CDC25C: variants seen among roughly 807,000 people sequenced by gnomAD.
The protein encoded by CDC25C is M-phase inducer phosphatase 3.
A neutral mutation model predicts 52.5 loss-of-function variants in CDC25C; 48 were observed. The ratio of observed to expected loss-of-function variants is 0.91; its 90% CI spans 0.72 to 1.16. The LOEUF is 1.16. Among genes scored for constraint, CDC25C ranks in the 50% most tolerant of loss-of-function variants. CDC25C has a pLI of 0.00. For missense variants in CDC25C, 510 were observed against 566.1 expected (o/e 0.90, Z 1.01); for synonymous variants, 187 against 206.5 (o/e 0.91, Z 0.81).
rs758373221 is a variant in CDC25C at position 138,319,208 on chromosome 5, G to T, written c.615+11C>A. On this transcript the variant is annotated intron_variant, in intron 7 of 13. Transcript: ENST00000323760. ...TGAAGAATACAAAGATACTACCACA[G>T]AACACTTTACCTTTGCTTCTTGATC... 2.5e-6 allele frequency: 4 copies of T among 1,604,830 alleles called. No individual in the cohort carries two copies. Among genetic ancestry groups the T allele is most frequent in the Non-Finnish European group, 3.4e-6 (4 of 1,173,050 alleles).
intron 3 of CDC25C, 139 bp from the exon 4 acceptor site, chr5:138,328,668 T>C (rs931690900): frequency 3.8e-5 from 26 of 683,126 alleles, no homozygotes; most frequent in Middle Eastern, 3.2e-4. Context: ...TCTCGATTGG[T>C]ACCCATTTCA....
At chr5:138,292,158 G>T in intron 7 of CDC25C, 42 bp from the exon 8 acceptor site, 2 of 1,570,384 alleles carry the variant, frequency 1.3e-6, no homozygotes, top group South Asian at 1.2e-5. Context: ...ACTCCTCCAA[G>T]TGTGTCTGCA....
chr5:138,333,574 T>A (rs886848672), upstream of CDC25C: 26 of 152,152 alleles, frequency 1.7e-4, no homozygotes, highest in African/African-American at 6.0e-4. Context: ...GTGGGATGAG[T>A]TGTTATCTGC....
intron 7 of CDC25C, among the ~76,000 whole-genome samples, chr5:138,313,911 A>T (rs1452376397): frequency 1.3e-5 from 2 of 151,890 alleles, no homozygotes; most frequent in Admixed American, 6.6e-5. Flanking sequence ...CCATTTCTCC[A>T]GTTACTCAGG....
upstream of CDC25C, among the ~76,000 whole-genome samples, chr5:138,332,761 G>A (rs368990939): frequency 1.3e-5 from 2 of 152,174 alleles, no homozygotes; most frequent in East Asian, 3.8e-4. Flanking sequence ...AGCTACTTGG[G>A]AGGCTGAGGC....
intron 7 of CDC25C, among the ~76,000 whole-genome samples, chr5:138,293,966 T>C (rs955000582): frequency 2.0e-5 from 3 of 151,910 alleles, no homozygotes; most frequent in Non-Finnish European, 4.4e-5. Flanking sequence ...TTTTAAGCAT[T>C]GTATCTAATA....
intron 6 of CDC25C, among the ~76,000 whole-genome samples, chr5:138,324,294 G>A (rs1020687797): frequency 8.6e-5 from 13 of 151,866 alleles, no homozygotes; most frequent in African/African-American, 2.9e-4. Context: ...AAATAAATAA[G>A]TAAATTCTAT....
Position 138,325,914 on chromosome 5 carries a change from A to G in CDC25C, c.370-10T>C, listed in dbSNP as rs763224374. On this transcript the variant is annotated splice_polypyrimidine_tract_variant and intron_variant, in intron 5 of 13. Coordinates refer to ENST00000323760, the MANE Select transcript of CDC25C (RefSeq NM_001790.5). ...TACAAAGAAGCTGTGCCTAAAAAAGAGAGTTTGCTGAGAACGTCCAGCATC... is the reference window on the plus strand; with the variant it reads ...TACAAAGAAGCTGTGCCTAAAAAAGGGAGTTTGCTGAGAACGTCCAGCATC... 7 of 1,613,818 alleles carry G rather than the reference A, an allele frequency of 4.3e-6. No homozygotes were observed. Among genetic ancestry groups the G allele is most frequent in the African/African-American group, 1.3e-5 (1 of 74,942 alleles).
rs572888905 is a variant in CDC25C at position 138,314,976 on chromosome 5, G to A, written c.615+4243C>T. Among the ~76,000 whole-genome samples the A allele has an allele frequency of 6.9e-5, 10 of 144,840 alleles. No individual in the cohort carries two copies. The East Asian group carries it at 2.0e-3, about 29-fold the overall frequency. On this transcript the variant is annotated intron_variant, in intron 7 of 13. Transcript: ENST00000323760. The stretch of plus-strand genomic sequence containing the variant: ...AGAGTCTCACTCTGTTGCCCAGGCT[G>A]GAGTACAGCGGTGCGATCTCGGCTC...
rs1046133488 is a variant in CDC25C, at chr5:138,292,110, T to A, written c.622A>T (p.Arg208Ter). ...GACGGGGAGCGATATAGGCCACTTC[T>A]GCTCACCTGTTTGGGAATATTAAAC... ...SLKDQEAKVS[R>*]SGLYRSPSMP... The change falls in exon 8 of 14, where the codon AGA becomes TGA. Residue 208 changes from arginine to a stop codon, truncating the protein, a stop_gained. Transcript: ENST00000323760. LOFTEE classifies it high-confidence loss of function. The A allele has an allele frequency of 1.2e-6, 2 of 1,611,342 alleles. No homozygotes were observed. Among genetic ancestry groups the A allele is most frequent in the Non-Finnish European group, 1.7e-6 (2 of 1,178,746 alleles).
At chr5:138,319,585 A>C (rs2126793970) in intron 6 of CDC25C, among the ~76,000 whole-genome samples, 1 of 152,342 alleles carries the variant, frequency 6.6e-6, no homozygotes. Context: ...GCATCAAAGA[A>C]CACCATTAAG....
At chr5:138,292,163 T>C (rs762455824) in intron 7 of CDC25C, 47 bp from the exon 8 acceptor site, 3 of 1,497,906 alleles carry the variant, frequency 2.0e-6, no homozygotes, top group Admixed American at 3.9e-5. Context: ...TCCAAGTGTG[T>C]CTGCAGACCT....
intron 7 of CDC25C, among the ~76,000 whole-genome samples, chr5:138,309,049 G>A (rs569614637): frequency 1.3e-5 from 2 of 151,966 alleles, no homozygotes; most frequent in Non-Finnish European, 1.5e-5. Flanking sequence ...TTGTTATTGC[G>A]TGGCCCTCAT....
At chr5:138,287,702 G>A (rs535343786) in intron 10 of CDC25C, among the ~76,000 whole-genome samples, 1 of 152,330 alleles carries the variant, frequency 6.6e-6, no homozygotes, top group Non-Finnish European at 1.5e-5. Context: ...GATACCTAAA[G>A]GAAGGAAGAA....
chr5:138,290,616 A>C, intron 9 of CDC25C, 23 bp downstream of exon 9: 1 of 1,285,960 alleles, frequency 7.8e-7, no homozygotes, highest in South Asian at 1.2e-5. Context: ...ACTGAAATAC[A>C]GGATGGGTGT....
chr5:138,330,503 T>A (rs186258804), intron 2 of CDC25C, among the ~76,000 whole-genome samples: 187 of 152,322 alleles, frequency 1.2e-3, no homozygotes, highest in Non-Finnish European at 2.4e-3. Context: ...GATTATTATT[T>A]CTTTGTCTTT....
Position 138,320,742 on chromosome 5 carries a change from C to T in CDC25C, c.460-1368G>A, listed in dbSNP as rs555291935. Among the ~76,000 whole-genome samples the T allele has an allele frequency of 5.9e-5, 9 of 151,594 alleles. No individual in the cohort carries two copies. The East Asian group carries it at 1.4e-3, about 23-fold the overall frequency. Reference sequence around the variant, plus strand: ...CAGCCTGGCCAACATGGTGAAACTCCGTCTCTACTAAAAATACAAAAAAAT... The same window carrying T: ...CAGCCTGGCCAACATGGTGAAACTCTGTCTCTACTAAAAATACAAAAAAAT... On this transcript the variant is annotated intron_variant, in intron 6 of 13. Coordinates refer to ENST00000323760, the MANE Select transcript of CDC25C (RefSeq NM_001790.5).
chr5:138,313,301 C>T (rs1254984232), intron 7 of CDC25C, among the ~76,000 whole-genome samples: 3 of 151,006 alleles, frequency 2.0e-5, no homozygotes, highest in Non-Finnish European at 2.9e-5. Context: ...ATCACTTGAA[C>T]CCAGGAGGTG....
chr5:138,291,862 A>C, intron 8 of CDC25C, 108 bp downstream of exon 8: 1 of 794,764 alleles, frequency 1.3e-6, no homozygotes, highest in South Asian at 2.3e-5. Flanking sequence ...AAAAAGTAAA[A>C]GTAAAGAGGA....
Sources: gnomAD v4.1 joint callset for allele counts (sites outside exome capture counted in the v4.1 genomes callset) on GRCh38, gnomAD v4.1.1 for gene constraint, MANE v1.5 for transcripts, NCBI Gene and HGNC (gene_info 2026-07-23, HGNC 2026-07-21) for gene names.